The following RGS6 variants were observed in gnomAD, a reference collection of about 807,000 sequenced individuals.
RGS6 encodes the protein regulator of G protein signaling 6.
Under a neutral mutation model 78.5 loss-of-function variants are expected in RGS6, and 30 were observed. The observed-to-expected ratio is 0.38, with a 90% CI of 0.29 to 0.52. The LOEUF is 0.52. RGS6 is among the 20% of genes least tolerant of loss of function. The pLI is 0.85. For missense variants in RGS6, 495 were observed against 609.7 expected, an observed-to-expected ratio of 0.81 and a Z score of 1.98; for synonymous variants, 206 against 206.0, an observed-to-expected ratio of 1.00 and a Z score of 0.00.
intron 2 of RGS6, among the ~76,000 whole-genome samples, chr14:72,212,051 T>C (rs754309069): frequency 1.3e-5 from 2 of 152,124 alleles, no homozygotes; most frequent in Non-Finnish European, 2.9e-5. Flanking sequence ...GAAACTAGCA[T>C]AGAACCAGTA....
intron 17 of RGS6, among the ~76,000 whole-genome samples, chr14:72,561,534 C>G (rs563618918): frequency 6.6e-6 from 1 of 152,324 alleles, no homozygotes; most frequent in South Asian, 2.1e-4. Context: ...GAGCCTCGCT[C>G]GTGCCCCTCA....
chr14:72,257,754 A>G (rs2153872352), intron 2 of RGS6, among the ~76,000 whole-genome samples: 1 of 152,270 alleles, frequency 6.6e-6, no homozygotes, highest in East Asian at 1.9e-4. Flanking sequence ...GGCCAAGCTG[A>G]TTTACAACAG....
At chr14:72,115,739 C>G (rs2095871578) in intron 2 of RGS6, among the ~76,000 whole-genome samples, 2 of 152,228 alleles carry the variant, frequency 1.3e-5, no homozygotes. Context: ...TGAAATGCCT[C>G]TTAGGGGTCT....
At chr14:72,305,691 C>G (rs960981941) in intron 2 of RGS6, among the ~76,000 whole-genome samples, 2 of 152,214 alleles carry the variant, frequency 1.3e-5, no homozygotes, top group Admixed American at 1.3e-4. Flanking sequence ...CTCTCTCCCT[C>G]TCTTCAGGCT....
intron 3 of RGS6, among the ~76,000 whole-genome samples, chr14:72,367,797 G>A (rs1310190888): frequency 2.0e-5 from 3 of 152,156 alleles, no homozygotes; most frequent in Admixed American, 2.0e-4. Flanking sequence ...TGTGACCTGG[G>A]TTGGTCACTG....
chr14:72,244,350 G>GCCCA (rs1206123544), intron 2 of RGS6, among the ~76,000 whole-genome samples: 2 of 150,524 alleles, frequency 1.3e-5, no homozygotes, highest in African/African-American at 4.9e-5. Flanking sequence ...TGAACGAACA[G>GCCCA]CCCACACTTT....
At chr14:72,341,989 G>T (rs2077100182) in intron 2 of RGS6, among the ~76,000 whole-genome samples, 1 of 152,094 alleles carries the variant, frequency 6.6e-6, no homozygotes, top group Admixed American at 6.6e-5. Flanking sequence ...TGGAAACAAG[G>T]TTATTGACCT....
At chr14:72,367,625 G>A (rs1019355285) in intron 3 of RGS6, among the ~76,000 whole-genome samples, 2 of 152,124 alleles carry the variant, frequency 1.3e-5, no homozygotes, top group Admixed American at 1.3e-4. Context: ...GTATATACAT[G>A]CATTTTTATT....
In RGS6 at chr14:72,293,121, C is replaced by T. The variant is rs1595415658; in HGVS notation, c.85-58974C>T. 2.0e-5 allele frequency among the ~76,000 whole-genome samples: 3 copies of T among 152,128 alleles called. No individual in the cohort carries two copies. In the South Asian group the frequency reaches 6.2e-4, roughly 32 times the overall value. ...TCTGTGCTAGTTAGTTTCTTTGACC[C>T]CTCTTAAAGAAACTCTAAACAAAAA... On this transcript the variant is annotated intron_variant, in intron 2 of 17. Coordinates refer to ENST00000553525, the MANE Select transcript of RGS6 (RefSeq NM_001204424.2).
chr14:72,460,024 G>C (rs1037363727), intron 6 of RGS6, among the ~76,000 whole-genome samples: 1 of 152,186 alleles, frequency 6.6e-6, no homozygotes, highest in Non-Finnish European at 1.5e-5. Flanking sequence ...CAGGGATAGG[G>C]CTTCAGGGAG....
intron 2 of RGS6, among the ~76,000 whole-genome samples, chr14:71,997,448 ATAAAAT>A (rs1359479099): frequency 6.6e-6 from 1 of 152,238 alleles, no homozygotes; most frequent in Non-Finnish European, 1.5e-5. Context: ...AAGGACATAG[ATAAAAT>A]TAAGAAGGCC....
At chr14:72,589,812 G>A in the RGS6 span, among the ~76,000 whole-genome samples, 1 of 152,142 alleles carries the variant, frequency 6.6e-6, no homozygotes, top group Non-Finnish European at 1.5e-5. Context: ...TAAATATCAT[G>A]TTTCCAAACA....
intron 2 of RGS6, among the ~76,000 whole-genome samples, chr14:71,998,262 A>G (rs1257434003): frequency 6.6e-6 from 1 of 152,220 alleles, no homozygotes; most frequent in Non-Finnish European, 1.5e-5. Context: ...TCAGATATGC[A>G]TCTATCTGAG....
intron 2 of RGS6, among the ~76,000 whole-genome samples, chr14:72,065,930 C>A (rs1272453592): frequency 6.7e-6 from 1 of 150,180 alleles, no homozygotes; most frequent in Non-Finnish European, 1.5e-5. Context: ...CCCCTCCCCC[C>A]AGCCCACAAC....
intron 2 of RGS6, among the ~76,000 whole-genome samples, chr14:72,156,556 G>T (rs2096774818): frequency 6.6e-6 from 1 of 152,106 alleles, no homozygotes. Context: ...CTGATTTGGT[G>T]GTAGCAGGAG....
At chr14:71,921,036 G>A in the RGS6 span, among the ~76,000 whole-genome samples, 3 of 152,114 alleles carry the variant, frequency 2.0e-5, no homozygotes, top group African/African-American at 7.2e-5. Context: ...TAAAAAAAGG[G>A]CAAAGGACCT....
intron 2 of RGS6, among the ~76,000 whole-genome samples, chr14:72,155,929 A>G (rs1375041148): frequency 6.6e-6 from 1 of 152,250 alleles, no homozygotes; most frequent in Non-Finnish European, 1.5e-5. Flanking sequence ...TCAACTGGGA[A>G]AACGGCCTGG....
intron 2 of RGS6, among the ~76,000 whole-genome samples, chr14:72,286,054 T>A (rs1595322346): frequency 6.6e-6 from 1 of 152,244 alleles, no homozygotes; most frequent in Non-Finnish European, 1.5e-5. Context: ...TTGTTGCCTA[T>A]GTTTTTGGTG....
the RGS6 span, among the ~76,000 whole-genome samples, chr14:72,583,673 G>C: frequency 2.6e-5 from 4 of 152,114 alleles, no homozygotes; most frequent in Admixed American, 2.6e-4. Context: ...CTTCTTCTTG[G>C]GCCAGCTTTT....
Sources: allele counts gnomAD v4.1 joint callset (sites outside exome capture counted in the v4.1 genomes callset), GRCh38; gene constraint gnomAD v4.1.1; transcripts MANE v1.5; gene names NCBI Gene and HGNC (gene_info 2026-07-23, HGNC 2026-07-21).